OSBPL6: variants seen among roughly 807,000 people sequenced by gnomAD.
The protein encoded by OSBPL6 is oxysterol binding protein like 6, also known as oxysterol-binding protein-related protein 6.
In OSBPL6, 49 loss-of-function variants were observed where a neutral mutation model predicts 125.8. The observed-to-expected ratio is 0.39, with a 90% CI of 0.31 to 0.49. The LOEUF (loss-of-function observed/expected upper bound fraction) is 0.49. OSBPL6 is among the 20% of genes least tolerant of loss of function. The probability of loss-of-function intolerance (pLI) is 0.88; values close to 1 mark genes in which losing one functional copy is unlikely to be tolerated. For missense variants in OSBPL6, 986 were observed against 1,135.4 expected (o/e 0.87, Z 1.89); for synonymous variants, 394 against 391.8 (o/e 1.01, Z -0.07).
chr2:178,273,122 A>AGTG (rs949579528), intron 1 of OSBPL6, among the ~76,000 whole-genome samples: 2 of 152,274 alleles, frequency 1.3e-5, no homozygotes, highest in Non-Finnish European at 2.9e-5. Context: ...GTGGGTAAAG[A>AGTG]GTGAGTATGA....
rs1346156637 is a variant in OSBPL6 at position 178,400,370 on chromosome 2, T to A, written c.*4811T>A. On this transcript the variant is annotated 3_prime_UTR_variant, in exon 25 of 25. Transcript: ENST00000190611. ...GGCACAATCTCGGCTCACTGCAGCC[T>A]CCGCCTCCCAGGTTCAAGGGATTCT... 1 of 150,934 alleles carries A rather than the reference T, an allele frequency of 6.6e-6. No individual in the cohort carries two copies. Among genetic ancestry groups the A allele is most frequent in the African/African-American group, 2.4e-5 (1 of 41,034 alleles). The allele number at this position is 150,934 out of a possible 1,614,324, so 9.3% of individuals were successfully genotyped here.
chr2:178,272,024 T>C lies in OSBPL6; in HGVS notation c.-350-12903T>C, dbSNP rs141935688. ...AATTACTTTTGTCCAAGAGTGAATATCAAAACTCATTTACGTAACAGGTTT... is the reference window on the plus strand; with the variant it reads ...AATTACTTTTGTCCAAGAGTGAATACCAAAACTCATTTACGTAACAGGTTT... On this transcript the variant is annotated intron_variant, in intron 1 of 24. Transcript: ENST00000190611. Among the ~76,000 whole-genome samples, 10 of 152,310 alleles carry C rather than the reference T, an allele frequency of 6.6e-5. No individual in the cohort carries two copies. The East Asian group carries it at 1.9e-3, about 29-fold the overall frequency.
intron 2 of OSBPL6, among the ~76,000 whole-genome samples, chr2:178,287,713 CA>C (rs1028356440): frequency 6.6e-6 from 1 of 151,504 alleles, no homozygotes; most frequent in African/African-American, 2.4e-5. Context: ...CTACCCCCCA[CA>C]AAAAAATAAG....
intron 17 of OSBPL6, 55 bp from the exon 18 acceptor site, chr2:178,383,984 C>G (rs1694715668): frequency 6.3e-7 from 1 of 1,576,696 alleles, no homozygotes; most frequent in East Asian, 2.3e-5. Flanking sequence ...GAGGAACAAA[C>G]AGACCCAGCA....
chr2:178,316,990 GA>G (rs1033043281), intron 3 of OSBPL6, among the ~76,000 whole-genome samples: 2 of 151,788 alleles, frequency 1.3e-5, no homozygotes, highest in East Asian at 1.9e-4. Context: ...TATATGCATT[GA>G]AAAAAAGCTG....
In OSBPL6 at chr2:178,373,994, G is replaced by C; in HGVS notation, c.1500G>C (p.Glu500Asp). The change falls in exon 15 of 25, where the codon GAG becomes GAC. Residue 500 changes from glutamate to aspartate, a missense_variant. Transcript: ENST00000190611. ...TTTCTGAGTTCTTTGATGCCCAAGA[G>C]GTGCTCCTCTCTGCAAGTTCGTCAG... is the stretch of plus-strand genomic sequence containing the variant. Reference protein sequence around the residue: ...ESVSEFFDAQEVLLSASSSEN... With the variant: ...ESVSEFFDAQDVLLSASSSEN... The C allele has an allele frequency of 1.2e-6, 2 of 1,614,110 alleles. No homozygotes were observed. The highest frequency in any genetic ancestry group is 2.2e-5 in the South Asian group (2 of 91,072).
At chr2:178,350,523 A>G (rs1691153489) in intron 12 of OSBPL6, among the ~76,000 whole-genome samples, 1 of 152,204 alleles carries the variant, frequency 6.6e-6, no homozygotes, top group African/African-American at 2.4e-5. Context: ...TTGCAATCTC[A>G]AACCATCCGC....
intron 1 of OSBPL6, among the ~76,000 whole-genome samples, chr2:178,249,150 G>A (rs2091596209): frequency 6.6e-6 from 1 of 152,158 alleles, no homozygotes; most frequent in South Asian, 2.1e-4. Flanking sequence ...ATGTTGGCCA[G>A]GCTGGTCTTG....
At chr2:178,282,772 C>T (rs1043887882) in intron 1 of OSBPL6, among the ~76,000 whole-genome samples, 1 of 152,180 alleles carries the variant, frequency 6.6e-6, no homozygotes, top group Non-Finnish European at 1.5e-5. Flanking sequence ...CTGCCTCAGC[C>T]TCCTAAGTAG....
chr2:178,201,583 G>A (rs1481601825), intron 1 of OSBPL6, among the ~76,000 whole-genome samples: 3 of 152,168 alleles, frequency 2.0e-5, no homozygotes, highest in African/African-American at 7.2e-5. Flanking sequence ...GACTTAACTA[G>A]CAGATTAGTC....
intron 3 of OSBPL6, among the ~76,000 whole-genome samples, chr2:178,322,661 T>A (rs575911432): frequency 1.3e-5 from 2 of 152,308 alleles, no homozygotes; most frequent in African/African-American, 4.8e-5. Flanking sequence ...TTTTTGTTGA[T>A]ATTCTATTAA....
intron 1 of OSBPL6, chr2:178,230,545 G>A (rs902185316): frequency 1.3e-5 from 2 of 152,182 alleles, no homozygotes; most frequent in African/African-American, 2.4e-5. Flanking sequence ...CGTGAAAGGT[G>A]CCCGAGAGAA....
At chr2:178,213,970 A>T (rs1170944706) in intron 1 of OSBPL6, among the ~76,000 whole-genome samples, 1 of 152,152 alleles carries the variant, frequency 6.6e-6, no homozygotes, top group Non-Finnish European at 1.5e-5. Context: ...CCTACTAAAT[A>T]TGCCAACAGC....
In OSBPL6 at chr2:178,270,009, C is replaced by T. The variant is rs373803375; in HGVS notation, c.-350-14918C>T. Among the ~76,000 whole-genome samples the T allele has an allele frequency of 6.6e-5, 10 of 152,310 alleles. No homozygotes were observed. In the South Asian group the frequency reaches 2.1e-3, roughly 32 times the overall value. On this transcript the variant is annotated intron_variant, in intron 1 of 24. Transcript: ENST00000190611. Reference sequence around the variant, plus strand: ...GAATGTCAGGCAGGGCGGACGATAACACACTGGCTTGTTCAGGTATGGGTT... The same window carrying T: ...GAATGTCAGGCAGGGCGGACGATAATACACTGGCTTGTTCAGGTATGGGTT...
At chr2:178,356,480 C>T (rs1574956779) in intron 12 of OSBPL6, among the ~76,000 whole-genome samples, 1 of 152,246 alleles carries the variant, frequency 6.6e-6, no homozygotes, top group Middle Eastern at 3.4e-3. Flanking sequence ...AGTGAACTCC[C>T]ATTCACAATT....
intron 2 of OSBPL6, among the ~76,000 whole-genome samples, chr2:178,305,091 C>T (rs1390549751): frequency 1.3e-5 from 2 of 152,198 alleles, no homozygotes; most frequent in Admixed American, 1.3e-4. Flanking sequence ...AACAAGCCTA[C>T]ACAAGTGTTC....
intron 1 of OSBPL6, among the ~76,000 whole-genome samples, chr2:178,270,408 T>TACA (rs2092350892): frequency 6.6e-6 from 1 of 152,162 alleles, no homozygotes; most frequent in Non-Finnish European, 1.5e-5. Flanking sequence ...TAATTCTCAT[T>TACA]ACAACTCTGT....
chr2:178,202,983 C>A (rs1373603074), intron 1 of OSBPL6, among the ~76,000 whole-genome samples: 1 of 152,014 alleles, frequency 6.6e-6, no homozygotes, highest in Non-Finnish European at 1.5e-5. Flanking sequence ...GAAAGTTGGA[C>A]AAGTTTCTGC....
At chr2:178,392,239 A>G (rs1026840629) in intron 22 of OSBPL6, among the ~76,000 whole-genome samples, 173 bp from the exon 23 acceptor site, 2 of 152,228 alleles carry the variant, frequency 1.3e-5, no homozygotes, top group African/African-American at 4.8e-5. Context: ...TCATCAACAC[A>G]AAGTTTCCTA....
Sources: gnomAD v4.1 joint callset for allele counts (sites outside exome capture counted in the v4.1 genomes callset) on GRCh38, gnomAD v4.1.1 for gene constraint, MANE v1.5 for transcripts, NCBI Gene and HGNC (gene_info 2026-07-23, HGNC 2026-07-21) for gene names.